Variants in VPS13C observed in about 807,000 individuals in gnomAD.
VPS13C encodes intermembrane lipid transfer protein VPS13C.
VPS13C carries 358 observed loss-of-function variants against 456.8 expected under a neutral mutation model. The ratio of observed to expected loss-of-function variants is 0.78; its 90% CI spans 0.72 to 0.86. The LOEUF (loss-of-function observed/expected upper bound fraction) is 0.86, where lower values mean the gene tolerates loss of function less well. Among genes scored for constraint, VPS13C ranks in the 40% least tolerant of loss-of-function variants. VPS13C has a pLI of 0.00. For synonymous variants in VPS13C, 1,578 were observed against 1,486.7 expected (o/e 1.06, Z -1.41); for missense variants, 4,818 against 4,385.4 (o/e 1.10, Z -2.79).
At chr15:61,884,356 AT>A in intron 67 of VPS13C, 87 bp from the exon 68 acceptor site, 1 of 1,375,818 alleles carries the variant, frequency 7.3e-7, no homozygotes, top group South Asian at 1.4e-5. Flanking sequence ...TGTAACTATT[AT>A]TTTCCTATGA....
intron 82 of VPS13C, among the ~76,000 whole-genome samples, chr15:61,862,621 A>T (rs1369539476): frequency 6.6e-6 from 1 of 152,236 alleles, no homozygotes; most frequent in Admixed American, 6.5e-5. Flanking sequence ...TTACTTGTCA[A>T]AGTCATAAAA....
At chr15:61,982,106 G>C (rs1259046571) in intron 21 of VPS13C, among the ~76,000 whole-genome samples, 1 of 152,158 alleles carries the variant, frequency 6.6e-6, no homozygotes, top group Non-Finnish European at 1.5e-5. Flanking sequence ...TGAGTTTAGA[G>C]GTCATGTTAT....
At position 62,000,597 on chromosome 15, in the gene VPS13C, G is replaced by A. The variant is rs1181809128; in HGVS notation, c.1320C>T (p.Asn440=). 1 of 1,607,210 alleles carries A rather than the reference G, an allele frequency of 6.2e-7. No homozygotes were observed. The highest frequency in any genetic ancestry group is 2.3e-5 in the East Asian group (1 of 44,378). ...GTGCTTGTTGCCTTGCTAAAATTAT[G>A]TTAAAAACATCTAGAGTCTTCTCCA... The part of the protein sequence containing the change: ...QDLEKTLDVF[N]IILARQQAQV... Residue 440 remains asparagine (N), a synonymous_variant, in exon 16 of 85, where the codon AAC becomes AAT. Coordinates refer to ENST00000644861, the MANE Select transcript of VPS13C (RefSeq NM_020821.3).
At chr15:61,889,874 A>AAC (rs10689074) in intron 67 of VPS13C, among the ~76,000 whole-genome samples, 12,068 of 150,714 alleles carry the variant, frequency 0.08, 534 homozygotes, top group African/African-American at 0.097. Context: ...TAACTCATTA[A>AAC]ACACACACAC....
intron 66 of VPS13C, among the ~76,000 whole-genome samples, chr15:61,895,761 T>A (rs907871113): frequency 6.6e-6 from 1 of 152,078 alleles, no homozygotes; most frequent in Non-Finnish European, 1.5e-5. Context: ...ACAGTTGGTC[T>A]CATAAAAGTA....
chr15:61,996,256 G>A (rs1313553712), intron 16 of VPS13C, among the ~76,000 whole-genome samples: 1 of 152,208 alleles, frequency 6.6e-6, no homozygotes, highest in Non-Finnish European at 1.5e-5. Flanking sequence ...TAATATTCAC[G>A]TGTAAAACAA....
At chr15:62,059,874 G>A (rs921462857) in intron 1 of VPS13C, among the ~76,000 whole-genome samples, 3 of 152,144 alleles carry the variant, frequency 2.0e-5, no homozygotes, top group Non-Finnish European at 4.4e-5. Context: ...GTGCCACTTC[G>A]AGCGTATATG....
chr15:61,908,992 C>A lies in VPS13C; in HGVS notation c.8978G>T (p.Ser2993Ile), dbSNP rs751175349. 6.2e-7 allele frequency: 1 copy of A among 1,607,372 alleles called. No homozygotes were observed. Among genetic ancestry groups the A allele is most frequent in the South Asian group, 1.1e-5 (1 of 89,918 alleles). ...TPWDILTYKQ[S>I]GSPEEMVLLP... ...TCCCATTAACCCTTTTTTCTCATAC[C>A]TCTGTTTGTATGTGAGGATGTCCCA... is the stretch of plus-strand genomic sequence containing the variant. The change falls in exon 65 of 85, where the codon AGT becomes ATT. Residue 2993 changes from serine (S) to isoleucine (I), a missense_variant and splice_region_variant. Transcript: ENST00000644861.
At chr15:62,039,631 G>A (rs1359617619) in intron 3 of VPS13C, among the ~76,000 whole-genome samples, 2 of 152,110 alleles carry the variant, frequency 1.3e-5, no homozygotes, top group African/African-American at 2.4e-5. Flanking sequence ...CATCATCACA[G>A]AAATGCAAAT....
chr15:61,957,319 T>A (rs2045036947), intron 37 of VPS13C, among the ~76,000 whole-genome samples: 1 of 152,004 alleles, frequency 6.6e-6, no homozygotes, highest in Non-Finnish European at 1.5e-5. Flanking sequence ...GAGTGTTGGG[T>A]ACTGACTGAG....
intron 2 of VPS13C, among the ~76,000 whole-genome samples, chr15:62,043,800 G>A (rs945922733): frequency 3.3e-5 from 5 of 152,130 alleles, no homozygotes; most frequent in Non-Finnish European, 7.4e-5. Flanking sequence ...TGGAGCTAAA[G>A]TCCAGAAAAT....
chr15:61,863,370 T>G (rs1894329216), intron 82 of VPS13C, 70 bp downstream of exon 82: 1 of 1,195,036 alleles, frequency 8.4e-7, no homozygotes, highest in East Asian at 2.4e-5. Flanking sequence ...TTCTGCCATT[T>G]TAGCCTTCAA....
chr15:61,860,851 T>C (rs909081453), intron 82 of VPS13C, among the ~76,000 whole-genome samples: 1 of 151,298 alleles, frequency 6.6e-6, no homozygotes, highest in African/African-American at 2.4e-5. Context: ...TTTTTAAGAA[T>C]GAAAGGAATA....
chr15:61,989,485 C>T (rs1157560273), intron 18 of VPS13C, among the ~76,000 whole-genome samples: 2 of 151,896 alleles, frequency 1.3e-5, no homozygotes, highest in Non-Finnish European at 2.9e-5. Context: ...AGCCAACCCA[C>T]GTTTTTGGGG....
chr15:62,047,843 C>G (rs1167300838), intron 1 of VPS13C, among the ~76,000 whole-genome samples: 4 of 152,164 alleles, frequency 2.6e-5, no homozygotes, highest in Admixed American at 1.3e-4. Context: ...TTTATAAGAC[C>G]AAGATTAAAC....
chr15:61,956,345 G>C (rs565357836), intron 37 of VPS13C, among the ~76,000 whole-genome samples: 1 of 151,962 alleles, frequency 6.6e-6, no homozygotes, highest in Non-Finnish European at 1.5e-5. Context: ...GGGGGGACTG[G>C]GGGAGGGCTG....
intron 1 of VPS13C, among the ~76,000 whole-genome samples, chr15:62,056,383 T>C (rs945964988): frequency 2.6e-5 from 4 of 152,204 alleles, no homozygotes; most frequent in Admixed American, 1.3e-4. Flanking sequence ...TGAGGGGACA[T>C]AGTGAGGTGT....
Position 61,984,841 on chromosome 15 carries a change from G to C in VPS13C, c.1721+16C>G, listed in dbSNP as rs201787446. ...TAACTAAAAGTAAAAATTGAAATAA[G>C]TTTTTAAAAACTTACTTAAGTGCTT... On this transcript the variant is annotated intron_variant, in intron 19 of 84. Coordinates refer to ENST00000644861, the MANE Select transcript of VPS13C (RefSeq NM_020821.3). 5.1e-4 allele frequency: 819 copies of C among 1,609,908 alleles called. 1 individual carries two copies. Among genetic ancestry groups the C allele is most frequent in the Non-Finnish European group, 6.6e-4 (783 of 1,178,138 alleles).
chr15:61,925,552 TA>T lies in VPS13C; in HGVS notation c.6517-5del. 1 of 1,571,666 alleles carries T rather than the reference TA, an allele frequency of 6.4e-7. No homozygotes were observed. The highest frequency in any genetic ancestry group is 2.3e-5 in the East Asian group (1 of 44,038). On this transcript the variant is annotated splice_polypyrimidine_tract_variant and splice_region_variant and intron_variant, in intron 52 of 84. Coordinates refer to ENST00000644861, the MANE Select transcript of VPS13C (RefSeq NM_020821.3). The stretch of plus-strand genomic sequence containing the variant: ...ATAAAGAACAGGGCTGCAAGACCTA[TA>T]AACAGATAAATGAAATTCACATTTC...
Sources: allele counts gnomAD v4.1 joint callset (sites outside exome capture counted in the v4.1 genomes callset), GRCh38; gene constraint gnomAD v4.1.1; transcripts MANE v1.5; gene names NCBI Gene and HGNC (gene_info 2026-07-23, HGNC 2026-07-21).